The following ZNF366 variants were observed in gnomAD, a reference collection of about 807,000 sequenced individuals.
ZNF366 encodes the protein dendritic cell-specific transcript protein.
A neutral mutation model predicts 47.2 loss-of-function variants in ZNF366; 20 were observed. That is an observed-to-expected ratio of 0.42 (90% confidence interval 0.30 to 0.62). The LOEUF is 0.62. ZNF366 is among the 20% of genes least tolerant of loss of function. The pLI is 0.16. For synonymous variants in ZNF366, 421 were observed against 395.1 expected (o/e 1.07, Z -0.78); for missense variants, 987 against 976.3 (o/e 1.01, Z -0.15).
intron 4 of ZNF366, among the ~76,000 whole-genome samples, chr5:72,445,467 A>T (rs564219335): frequency 6.6e-6 from 1 of 152,338 alleles, no homozygotes; most frequent in South Asian, 2.1e-4. Flanking sequence ...GTCAGGGGAC[A>T]GGAAAGATCT....
intron 3 of ZNF366, among the ~76,000 whole-genome samples, chr5:72,450,994 T>C (rs1266010847): frequency 1.3e-5 from 2 of 152,240 alleles, no homozygotes; most frequent in African/African-American, 2.4e-5. Context: ...GAGGAATGGA[T>C]AGGAAGGACC....
chr5:72,480,775 A>G (rs1743774872), intron 1 of ZNF366, among the ~76,000 whole-genome samples: 1 of 152,238 alleles, frequency 6.6e-6, no homozygotes, highest in African/African-American at 2.4e-5. Flanking sequence ...AACAAAATAC[A>G]AGCAAATTCA....
In ZNF366 at chr5:72,461,344, T is replaced by C. The variant is rs1002874872; in HGVS notation, c.153A>G (p.Pro51=). Residue 51 remains proline, a synonymous_variant, in exon 2 of 5, where the codon CCA becomes CCG. Coordinates refer to ENST00000318442, the MANE Select transcript of ZNF366 (RefSeq NM_152625.3). ...GAGGTTCATACCGAAACTGGGAAAA[T>C]GGCCCTCGGAGAGCTTCCGGGAAGG... is the stretch of plus-strand genomic sequence containing the variant. The part of the protein sequence containing the change: ...RHPFPEALRG[P]FSQFRYEPPP... The C allele has an allele frequency of 6.2e-6, 10 of 1,613,788 alleles. No individual in the cohort carries two copies. The highest frequency in any genetic ancestry group is 8.5e-6 in the Non-Finnish European group (10 of 1,179,958).
At chr5:72,499,221 C>T (rs1209134355) in intron 1 of ZNF366, among the ~76,000 whole-genome samples, 3 of 152,212 alleles carry the variant, frequency 2.0e-5, no homozygotes, top group Non-Finnish European at 4.4e-5. Context: ...CAGCCAGAGA[C>T]AGGTGATTGT....
At chr5:72,451,638 G>C (rs1032839262) in intron 3 of ZNF366, among the ~76,000 whole-genome samples, 1 of 152,228 alleles carries the variant, frequency 6.6e-6, no homozygotes, top group African/African-American at 2.4e-5. Flanking sequence ...GAAATGGAAA[G>C]CTCTTTGAAG....
chr5:72,484,213 G>A (rs968790165), intron 1 of ZNF366, among the ~76,000 whole-genome samples: 41 of 152,092 alleles, frequency 2.7e-4, no homozygotes, highest in African/African-American at 8.9e-4. Flanking sequence ...CGCCGGGCGC[G>A]GTGGCTCACG....
In ZNF366 at chr5:72,480,425, C is replaced by G. The variant is rs551251381; in HGVS notation, c.-14-18915G>C. ...TTCGACTTTTAGTGGTTTGGAATGA[C>G]TTGGTTCTGGTGGATTTCAATCAAT... On this transcript the variant is annotated intron_variant, in intron 1 of 4. Transcript: ENST00000318442. Among the ~76,000 whole-genome samples the G allele has an allele frequency of 1.2e-4, 19 of 152,134 alleles. No homozygotes were observed. The South Asian group carries it at 3.9e-3, about 32-fold the overall frequency.
At chr5:72,461,801 T>G (rs903532938) in intron 1 of ZNF366, among the ~76,000 whole-genome samples, 1 of 152,058 alleles carries the variant, frequency 6.6e-6, no homozygotes, top group Non-Finnish European at 1.5e-5. Context: ...GCAAGGGAAG[T>G]GGACTAGTTT....
At chr5:72,502,178 C>T (rs1744222695) in intron 1 of ZNF366, among the ~76,000 whole-genome samples, 1 of 152,130 alleles carries the variant, frequency 6.6e-6, no homozygotes, top group African/African-American at 2.4e-5. Context: ...CTATTGTAGG[C>T]CCTGGGCAGA....
intron 1 of ZNF366, among the ~76,000 whole-genome samples, chr5:72,482,953 C>A (rs1395680808): frequency 1.3e-5 from 2 of 152,092 alleles, no homozygotes; most frequent in African/African-American, 4.8e-5. Flanking sequence ...TATGTTAGTA[C>A]CCTAAACTCA....
intron 2 of ZNF366, among the ~76,000 whole-genome samples, chr5:72,457,525 C>A (rs1743215981): frequency 1.3e-5 from 2 of 152,142 alleles, no homozygotes; most frequent in South Asian, 4.2e-4. Flanking sequence ...TCCATATTGC[C>A]TGGTATTCAT....
chr5:72,458,427 C>A (rs1416645799), intron 2 of ZNF366, among the ~76,000 whole-genome samples: 1 of 152,190 alleles, frequency 6.6e-6, no homozygotes, highest in Non-Finnish European at 1.5e-5. Context: ...AAAGAGAATT[C>A]TGTGTCCAAA....
intron 1 of ZNF366, among the ~76,000 whole-genome samples, chr5:72,490,297 C>T (rs968771228): frequency 6.6e-6 from 1 of 152,122 alleles, no homozygotes; most frequent in Non-Finnish European, 1.5e-5. Context: ...TAAAATTACT[C>T]TAGAAAACCA....
At chr5:72,473,214 G>A (rs1275073692) in intron 1 of ZNF366, among the ~76,000 whole-genome samples, 2 of 152,162 alleles carry the variant, frequency 1.3e-5, no homozygotes, top group Non-Finnish European at 2.9e-5. Context: ...GCTGGAGGAG[G>A]AGCAGCCATA....
At chr5:72,459,443 T>A (rs377722651) in intron 2 of ZNF366, among the ~76,000 whole-genome samples, 1 of 152,134 alleles carries the variant, frequency 6.6e-6, no homozygotes, top group Non-Finnish European at 1.5e-5. Flanking sequence ...CCTGAATGAC[T>A]CCAGGGCTAT....
At chr5:72,462,547 C>CTTTCTTTT (rs11275151) in intron 1 of ZNF366, among the ~76,000 whole-genome samples, 6 of 78,914 alleles carry the variant, frequency 7.6e-5, no homozygotes, top group African/African-American at 3.0e-4. Flanking sequence ...TTCTTTCTTT[C>CTTTCTTTT]TTTTTTTTTT....
intron 1 of ZNF366, among the ~76,000 whole-genome samples, chr5:72,471,237 G>A (rs1481526670): frequency 1.3e-5 from 2 of 152,130 alleles, no homozygotes; most frequent in Non-Finnish European, 2.9e-5. Flanking sequence ...ATTTTATGTA[G>A]TAGACTTCTT....
chr5:72,497,438 A>G, intron 1 of ZNF366, among the ~76,000 whole-genome samples: 1 of 152,136 alleles, frequency 6.6e-6, no homozygotes, highest in East Asian at 1.9e-4. Context: ...TCAATTGAAC[A>G]TATACTGAGA....
chr5:72,444,122 ATCC>A lies in ZNF366; in HGVS notation c.1866_1868del (p.Glu622del). 4 of 1,613,970 alleles carry A rather than the reference ATCC, an allele frequency of 2.5e-6. No individual in the cohort carries two copies. The highest frequency in any genetic ancestry group is 2.5e-6 in the Non-Finnish European group (3 of 1,180,012). ...TGTAGGGCTCCACCTCGTAGCAGTTATCCTCCTCTTCCTCCTCGTGGCAGTGGC... is the reference window on the plus strand; with the variant it reads ...TGTAGGGCTCCACCTCGTAGCAGTTATCCTCTTCCTCCTCGTGGCAGTGGC... On this transcript the variant is annotated inframe_deletion, in exon 5 of 5. Coordinates refer to ENST00000318442, the MANE Select transcript of ZNF366 (RefSeq NM_152625.3).
Sources: allele counts gnomAD v4.1 joint callset (sites outside exome capture counted in the v4.1 genomes callset), GRCh38; gene constraint gnomAD v4.1.1; transcripts MANE v1.5; gene names NCBI Gene and HGNC (gene_info 2026-07-23, HGNC 2026-07-21).